Variants in C1GALT1 observed in about 807,000 individuals in gnomAD.
The protein encoded by C1GALT1 is glycoprotein-N-acetylgalactosamine 3-beta-galactosyltransferase 1.
A neutral mutation model predicts 31.0 loss-of-function variants in C1GALT1; 11 were observed. The observed-to-expected ratio is 0.36, with a 90% CI of 0.22 to 0.59. The LOEUF (loss-of-function observed/expected upper bound fraction) is 0.59, where lower values mean the gene tolerates loss of function less well. Among genes scored for constraint, C1GALT1 ranks in the 20% least tolerant of loss-of-function variants. The probability of loss-of-function intolerance (pLI) is 0.79; values close to 1 mark genes in which losing one functional copy is unlikely to be tolerated. For synonymous variants in C1GALT1, 175 were observed against 143.6 expected, an observed-to-expected ratio of 1.22 and a Z score of -1.56; for missense variants, 424 against 425.2, an observed-to-expected ratio of 1.00 and a Z score of 0.03.
At chr7:7,159,170 G>A (rs1046863738) in intron 2 of C1GALT1, among the ~76,000 whole-genome samples, 1 of 151,998 alleles carries the variant, frequency 6.6e-6, no homozygotes, top group African/African-American at 2.4e-5. Flanking sequence ...GGACTCAAAT[G>A]ATTGTATGCT....
intron 1 of C1GALT1, 119 bp downstream of exon 1, chr7:7,182,939 G>A: frequency 1.3e-6 from 1 of 747,002 alleles, no homozygotes; most frequent in Non-Finnish European, 1.6e-6. Flanking sequence ...GGGCGCGGCG[G>A]AACAGGTGTC....
intron 1 of C1GALT1, among the ~76,000 whole-genome samples, chr7:7,225,778 A>G (rs1782733266): frequency 6.6e-6 from 1 of 152,198 alleles, no homozygotes; most frequent in Admixed American, 6.5e-5. Context: ...ACTTTTCAAT[A>G]TCTTATTTGC....
rs1371069640 is a variant in C1GALT1, at chr7:7,231,777, C to T, written c.-17-2526C>T. On this transcript the variant is annotated intron_variant, in intron 1 of 3. Coordinates refer to ENST00000436587, the MANE Select transcript of C1GALT1 (RefSeq NM_020156.5). ...GGACATTGTGTATCAAAATTTTGTC[C>T]ATGTTGTATACCAAAAAAAAAAAAG... Among the ~76,000 whole-genome samples the T allele has an allele frequency of 2.7e-5, 4 of 150,906 alleles. No homozygotes were observed. In the East Asian group the frequency reaches 7.8e-4, roughly 29 times the overall value.
At chr7:7,236,546 G>A (rs1007560430) in intron 2 of C1GALT1, among the ~76,000 whole-genome samples, 1 of 151,956 alleles carries the variant, frequency 6.6e-6, no homozygotes, top group Non-Finnish European at 1.5e-5. Context: ...TTTTGAGATG[G>A]AGTCTCGCTC....
chr7:7,237,300 G>C lies in C1GALT1; in HGVS notation c.221-955G>C, dbSNP rs145174678. On this transcript the variant is annotated intron_variant, in intron 2 of 3. Coordinates refer to ENST00000436587, the MANE Select transcript of C1GALT1 (RefSeq NM_020156.5). ...TCTGTACCGGTGCTACTCAAAATGC[G>C]GTCCTGGCCTGACACTTTGTCAGCT... is the stretch of plus-strand genomic sequence containing the variant. 4.6e-5 allele frequency among the ~76,000 whole-genome samples: 7 copies of C among 152,120 alleles called. No homozygotes were observed. In the East Asian group the frequency reaches 1.3e-3, roughly 29 times the overall value.
chr7:7,218,289 A>G (rs1211802666), intron 1 of C1GALT1, among the ~76,000 whole-genome samples: 1 of 152,238 alleles, frequency 6.6e-6, no homozygotes. Context: ...AATGTCAGAA[A>G]TAAAATGACA....
At chr7:7,191,766 G>A (rs6956604) in intron 1 of C1GALT1, among the ~76,000 whole-genome samples, 5,011 of 152,134 alleles carry the variant, frequency 0.033, 187 homozygotes, top group African/African-American at 0.091. Context: ...TTGGCCATTT[G>A]TGTATCTTAG....
chr7:7,161,703 A>G (rs1308634016), intron 2 of C1GALT1, among the ~76,000 whole-genome samples: 1 of 152,154 alleles, frequency 6.6e-6, no homozygotes, highest in Non-Finnish European at 1.5e-5. Context: ...AGCCAGGATT[A>G]AAATACATGT....
At chr7:7,198,085 G>T (rs553720755) in intron 1 of C1GALT1, among the ~76,000 whole-genome samples, 12 of 152,316 alleles carry the variant, frequency 7.9e-5, no homozygotes. Flanking sequence ...GAATAGGAGG[G>T]TGAGGGAGGG....
intron 2 of C1GALT1, among the ~76,000 whole-genome samples, chr7:7,171,375 A>G (rs1205351413): frequency 3.3e-5 from 5 of 152,108 alleles, no homozygotes; most frequent in Non-Finnish European, 7.4e-5. Context: ...CTTTGTCATT[A>G]CAACAGATTT....
chr7:7,212,279 G>C (rs905335487), intron 1 of C1GALT1, among the ~76,000 whole-genome samples: 2 of 152,172 alleles, frequency 1.3e-5, no homozygotes, highest in African/African-American at 2.4e-5. Context: ...GGACTGTGTA[G>C]ACAAGGTATG....
intron 1 of C1GALT1, among the ~76,000 whole-genome samples, chr7:7,199,920 G>C (rs1368555607): frequency 6.6e-6 from 1 of 151,762 alleles, no homozygotes; most frequent in Non-Finnish European, 1.5e-5. Context: ...CCTTTATTTT[G>C]AGCCTATGTG....
chr7:7,196,230 C>T (rs1170756095), intron 1 of C1GALT1, among the ~76,000 whole-genome samples: 1 of 139,848 alleles, frequency 7.2e-6, no homozygotes, highest in Non-Finnish European at 1.5e-5. Flanking sequence ...AACCCCATGA[C>T]AGGCCCCAGT....
Position 7,246,536 on chromosome 7 carries a change from C to G in C1GALT1, c.*2809C>G, listed in dbSNP as rs142964556. On this transcript the variant is annotated 3_prime_UTR_variant, in exon 4 of 4. Transcript: ENST00000436587. ...TGGGGCCCAAGAGTATGCATTCTTA[C>G]CAGATACCTTGGGCAGTGACTGTCA... 5 of 152,208 alleles carry G rather than the reference C, an allele frequency of 3.3e-5. No individual in the cohort carries two copies. In the East Asian group the frequency reaches 9.6e-4, roughly 29 times the overall value. 9.4% of individuals were successfully genotyped at this position (152,208 alleles called of 1,614,324 possible).
At chr7:7,201,742 A>G (rs895519080) in intron 1 of C1GALT1, among the ~76,000 whole-genome samples, 6 of 152,158 alleles carry the variant, frequency 3.9e-5, no homozygotes, top group African/African-American at 7.2e-5. Flanking sequence ...GCCCCAGGCT[A>G]TATGCCCTCC....
chr7:7,192,788 C>G (rs1384191419), intron 1 of C1GALT1, among the ~76,000 whole-genome samples: 1 of 152,040 alleles, frequency 6.6e-6, no homozygotes, highest in Non-Finnish European at 1.5e-5. Context: ...AAAAGTTTTC[C>G]CTTTTTACCA....
chr7:7,207,330 T>C (rs1187295744), intron 1 of C1GALT1, among the ~76,000 whole-genome samples: 1 of 140,256 alleles, frequency 7.1e-6, no homozygotes, highest in Admixed American at 7.8e-5. Context: ...TCTCTTACTC[T>C]GTTGCTTTTT....
chr7:7,163,789 A>G (rs974660630), intron 2 of C1GALT1, among the ~76,000 whole-genome samples: 1 of 152,174 alleles, frequency 6.6e-6, no homozygotes. Flanking sequence ...AAGGAGAACT[A>G]CAAACCACTG....
At chr7:7,227,674 C>T (rs1230062126) in intron 1 of C1GALT1, among the ~76,000 whole-genome samples, 1 of 150,558 alleles carries the variant, frequency 6.6e-6, no homozygotes, top group Admixed American at 6.6e-5. Flanking sequence ...GAGCCGAGAT[C>T]CCGCCACTGC....
Sources: allele counts gnomAD v4.1 joint callset (sites outside exome capture counted in the v4.1 genomes callset), GRCh38; gene constraint gnomAD v4.1.1; transcripts MANE v1.5; gene names NCBI Gene and HGNC (gene_info 2026-07-23, HGNC 2026-07-21).